Variants in CSMD1 observed in about 807,000 individuals in gnomAD.
The protein encoded by CSMD1 is CUB and sushi domain-containing protein 1.
CSMD1 carries 213 observed loss-of-function variants against 417.5 expected under a neutral mutation model. The ratio of observed to expected loss-of-function variants is 0.51; its 90% CI spans 0.46 to 0.57. The LOEUF (loss-of-function observed/expected upper bound fraction) is 0.57, where lower values mean the gene tolerates loss of function less well. Ranked by LOEUF, CSMD1 falls within the 20% of genes least tolerant of loss-of-function variation. CSMD1 has a pLI of 0.00. For synonymous variants in CSMD1, 2,862 were observed against 1,736.8 expected, an observed-to-expected ratio of 1.65 and a Z score of -16.11; for missense variants, 6,923 against 4,529.7, an observed-to-expected ratio of 1.53 and a Z score of -15.17.
At chr8:3,814,078 A>G (rs1163822234) in intron 5 of CSMD1, among the ~76,000 whole-genome samples, 1 of 152,210 alleles carries the variant, frequency 6.6e-6, no homozygotes, top group Non-Finnish European at 1.5e-5. Flanking sequence ...TGTGTTTCAA[A>G]TTCCCTGAAG....
intron 3 of CSMD1, among the ~76,000 whole-genome samples, chr8:4,321,814 C>G (rs551865639): frequency 1.3e-5 from 2 of 152,082 alleles, no homozygotes; most frequent in South Asian, 2.1e-4. Context: ...TACTAAATAT[C>G]TTTTTTGGTA....
At chr8:3,308,584 G>T in intron 23 of CSMD1, 81 bp from the exon 24 acceptor site, 4 of 1,143,656 alleles carry the variant, frequency 3.5e-6, no homozygotes, top group Non-Finnish European at 5.0e-6. Flanking sequence ...AAACAAGGTT[G>T]CTAAATGCTC....
At chr8:3,448,323 G>GGAAGGAAGGAAGAAGGGAGGGAGGGA (rs1563399741) in intron 12 of CSMD1, among the ~76,000 whole-genome samples, 234 of 8,370 alleles carry the variant, frequency 0.028, no homozygotes, top group Non-Finnish European at 0.051. Flanking sequence ...AAGGAAGGAA[G>GGAAGGAAGGAAGAAGGGAGGGAGGGA]GGAGCAAGGG....
At position 4,083,257 on chromosome 8, in the gene CSMD1, C is replaced by G. The variant is rs187386866; in HGVS notation, c.416-51158G>C. Among the ~76,000 whole-genome samples, 919 of 152,250 alleles carry G rather than the reference C, an allele frequency of 6.0e-3. 6 individuals carry two copies. The highest frequency in any genetic ancestry group is 9.5e-3 in the Non-Finnish European group (647 of 68,020). Reference sequence around the variant, plus strand: ...CAGTGTAAAAGTGTTCTTATTTCTCCACAACCTCTCCAGCACCTGTCGTTT... The same window carrying G: ...CAGTGTAAAAGTGTTCTTATTTCTCGACAACCTCTCCAGCACCTGTCGTTT... On this transcript the variant is annotated intron_variant, in intron 3 of 69. Coordinates refer to ENST00000635120, the MANE Select transcript of CSMD1 (RefSeq NM_033225.6).
intron 49 of CSMD1, among the ~76,000 whole-genome samples, chr8:3,058,248 G>A (rs998508118): frequency 2.6e-5 from 4 of 152,164 alleles, no homozygotes; most frequent in African/African-American, 9.7e-5. Context: ...ATAGTTGTCT[G>A]TATTAAATTA....
At chr8:4,274,792 A>G (rs1255005102) in intron 3 of CSMD1, among the ~76,000 whole-genome samples, 1 of 152,142 alleles carries the variant, frequency 6.6e-6, no homozygotes, top group East Asian at 1.9e-4. Context: ...CACTTGGAAA[A>G]ATATTGCCAC....
intron 5 of CSMD1, among the ~76,000 whole-genome samples, chr8:3,761,716 G>T (rs1394521555): frequency 1.3e-5 from 2 of 151,998 alleles, no homozygotes; most frequent in African/African-American, 4.8e-5. Context: ...ATGTTGGCCA[G>T]GCTGGTCTCG....
chr8:4,048,653 T>G (rs771330250), intron 3 of CSMD1, among the ~76,000 whole-genome samples: 1 of 152,230 alleles, frequency 6.6e-6, no homozygotes, highest in Non-Finnish European at 1.5e-5. Context: ...TCAATCTGAC[T>G]TCCAACCACA....
In CSMD1 at chr8:4,841,919, A is replaced by ACAAAC. The variant is rs1484042951; in HGVS notation, c.85+152412_85+152413insGTTTG. 1.8e-3 allele frequency among the ~76,000 whole-genome samples: 251 copies of ACAAAC among 141,272 alleles called. 17 individuals are homozygous for ACAAAC. The highest frequency in any genetic ancestry group is 6.8e-3 in the African/African-American group (249 of 36,610). 92.7% of individuals were successfully genotyped at this position (141,272 alleles called of 152,430 possible). On this transcript the variant is annotated intron_variant, in intron 1 of 69. Coordinates refer to ENST00000635120, the MANE Select transcript of CSMD1 (RefSeq NM_033225.6). The stretch of plus-strand genomic sequence containing the variant: ...AGAGCAAAACTCCGTCTCAAAAAAA[A>ACAAAC]AAAAAAAAAAAAAAAAAAAGTTCAG...
chr8:3,568,247 T>G (rs113508686), intron 10 of CSMD1, among the ~76,000 whole-genome samples: 4,050 of 152,236 alleles, frequency 0.027, 175 homozygotes, highest in African/African-American at 0.088. Flanking sequence ...CTAATCAAAG[T>G]TTCACATATT....
chr8:3,798,736 G>A (rs1008128774), intron 5 of CSMD1, among the ~76,000 whole-genome samples: 21 of 152,026 alleles, frequency 1.4e-4, no homozygotes, highest in Non-Finnish European at 4.4e-5. Context: ...ATACAAAAAT[G>A]TCACTATAGA....
Position 3,185,142 on chromosome 8 carries a change from C to T in CSMD1, c.5620+2727G>A, listed in dbSNP as rs568961980. ...AGAGTGCAGGTGGCCTGGGAGGCCC[C>T]GAGGGCTTGCAGCTGACGTCAGAGG... On this transcript the variant is annotated intron_variant, in intron 36 of 69. Coordinates refer to ENST00000635120, the MANE Select transcript of CSMD1 (RefSeq NM_033225.6). 7.4e-4 allele frequency among the ~76,000 whole-genome samples: 112 copies of T among 152,304 alleles called. No individual in the cohort carries two copies. The South Asian group carries it at 0.018, about 25-fold the overall frequency.
intron 3 of CSMD1, among the ~76,000 whole-genome samples, chr8:4,291,648 T>C (rs548873232): frequency 1.3e-5 from 2 of 152,294 alleles, no homozygotes; most frequent in East Asian, 1.9e-4. Context: ...AGCCGCAATA[T>C]GGAGAACATT....
At chr8:3,121,179 T>C (rs1817183601) in intron 41 of CSMD1, among the ~76,000 whole-genome samples, 1 of 152,156 alleles carries the variant, frequency 6.6e-6, no homozygotes, top group Non-Finnish European at 1.5e-5. Context: ...TTCTGTGTAT[T>C]TATTTATATT....
chr8:4,253,844 T>A (rs1803253630), intron 3 of CSMD1, among the ~76,000 whole-genome samples: 1 of 150,566 alleles, frequency 6.6e-6, no homozygotes, highest in African/African-American at 2.4e-5. Flanking sequence ...GCTAAGGAGG[T>A]AACAATACAT....
At chr8:3,625,913 G>A (rs1295241612) in intron 7 of CSMD1, among the ~76,000 whole-genome samples, 1 of 152,156 alleles carries the variant, frequency 6.6e-6, no homozygotes. Flanking sequence ...CACGGTAGCA[G>A]TAAATGTTCA....
intron 3 of CSMD1, among the ~76,000 whole-genome samples, chr8:4,175,057 G>C (rs980781573): frequency 2.0e-5 from 3 of 151,090 alleles, no homozygotes; most frequent in Admixed American, 6.6e-5. Flanking sequence ...GTGAACCCTG[G>C]GCATCTTTCA....
rs111546193 is a variant in CSMD1, at chr8:4,912,798, A to AGGGG, written c.85+81530_85+81533dup. On this transcript the variant is annotated intron_variant, in intron 1 of 69. Transcript: ENST00000635120. The stretch of plus-strand genomic sequence containing the variant: ...ATACAGCACCAGCTATTTTTTTTGG[A>AGGGG]GGGGGGGCACAGAGTCTTGCTCTGT... Among the ~76,000 whole-genome samples the AGGGG allele has an allele frequency of 7.9e-5, 12 of 151,540 alleles. No individual in the cohort carries two copies. In the East Asian group the frequency reaches 1.8e-3, roughly 22 times the overall value.
intron 5 of CSMD1, among the ~76,000 whole-genome samples, chr8:3,864,320 C>T (rs905547920): frequency 1.3e-5 from 2 of 151,824 alleles, no homozygotes; most frequent in African/African-American, 4.8e-5. Context: ...TATGAGAGGA[C>T]AGTTATGGTT....
Sources: gnomAD v4.1 joint callset for allele counts (sites outside exome capture counted in the v4.1 genomes callset) on GRCh38, gnomAD v4.1.1 for gene constraint, MANE v1.5 for transcripts, NCBI Gene and HGNC (gene_info 2026-07-23, HGNC 2026-07-21) for gene names.